Variants in ANKRD36C observed in about 807,000 individuals in gnomAD.
ANKRD36C encodes ankyrin repeat domain 36C, also known as ankyrin repeat domain-containing protein 36C.
ANKRD36C carries 61 observed loss-of-function variants against 276.4 expected under a neutral mutation model. The observed-to-expected ratio is 0.22, with a 90% CI of 0.18 to 0.27. The LOEUF is 0.27. Ranked by LOEUF, ANKRD36C falls within the 10% of genes least tolerant of loss-of-function variation. The probability of loss-of-function intolerance (pLI) is 1.00; values close to 1 mark genes in which losing one functional copy is unlikely to be tolerated. For missense variants in ANKRD36C, 1,447 were observed against 2,032.3 expected (o/e 0.71, Z 5.54); for synonymous variants, 483 against 680.1 (o/e 0.71, Z 4.51).
rs988780964 is a variant in ANKRD36C at position 95,949,411 on chromosome 2, C to A, written c.1296-815G>T. Among the ~76,000 whole-genome samples the A allele has an allele frequency of 3.2e-4, 48 of 152,204 alleles. 1 individual carries two copies. Among genetic ancestry groups the A allele is most frequent in the African/African-American group, 1.1e-3 (46 of 41,524 alleles). ...GTACTTAGAGCTTCATTTCATTCATCACTATCTAAATATCTTCCTTCCTAT... is the reference window on the plus strand; with the variant it reads ...GTACTTAGAGCTTCATTTCATTCATAACTATCTAAATATCTTCCTTCCTAT... On this transcript the variant is annotated intron_variant, in intron 16 of 66. Coordinates refer to ENST00000456556, the Ensembl canonical transcript of ANKRD36C.
chr2:95,855,546 G>T lies in ANKRD36C; in HGVS notation c.4715C>A (p.Thr1572Lys), dbSNP rs545954071. 2.0e-5 allele frequency: 33 copies of T among 1,611,170 alleles called. No individual in the cohort carries two copies. The South Asian group carries it at 3.5e-4, about 17-fold the overall frequency. ...CTGCTTTTCTATGCATTTTTCCATT[G>T]TATTGTATCCACTTTTGTACATTTT... Residue 1572 changes from threonine (T) to lysine (K), a missense_variant, in exon 63 of 67, where the codon ACA becomes AAA. Physicochemically the swap from Thr to Lys is moderately conservative, Grantham distance 78. Around this residue, in one of 13 missense-constraint regions of ANKRD36C, gnomAD observed 437 missense variants for 641.0 expected, o/e 0.68. Coordinates refer to ENST00000456556, the Ensembl canonical transcript of ANKRD36C.
chr2:95,926,201 C>T (rs565871400), intron 28 of ANKRD36C, among the ~76,000 whole-genome samples: 1 of 151,664 alleles, frequency 6.6e-6, no homozygotes, highest in South Asian at 2.1e-4. Context: ...TCTTCGTCCA[C>T]TCATGGCAAC....
intron 34 of ANKRD36C, 136 bp from the exon 37 acceptor site, chr2:95,918,178 T>G: frequency 1.4e-6 from 2 of 1,400,542 alleles, no homozygotes; most frequent in South Asian, 2.5e-5. Context: ...ACTTTGTGTC[T>G]TGGGACTGGA....
At chr2:95,910,299 G>A (rs1484632217) in intron 42 of ANKRD36C, 74 bp downstream of exon 46, 68 of 1,445,664 alleles carry the variant, frequency 4.7e-5, no homozygotes, top group Non-Finnish European at 5.6e-5. Context: ...CGAGCCACCC[G>A]CTGCTTTATT....
intron 61 of ANKRD36C, among the ~76,000 whole-genome samples, chr2:95,858,086 C>T (rs557642457): frequency 0.011 from 1,592 of 148,296 alleles, 6 homozygotes; most frequent in East Asian, 0.017. Flanking sequence ...CTGAACCAAA[C>T]CAATGTATTT....
chr2:95,922,334 C>A (rs532142006), intron 32 of ANKRD36C, among the ~76,000 whole-genome samples: 2 of 151,602 alleles, frequency 1.3e-5, no homozygotes, highest in Non-Finnish European at 3.0e-5. Flanking sequence ...TCCTAAATTG[C>A]TCAGCTTGGA....
intron 46 of ANKRD36C, 78 bp from the exon 67 acceptor site, chr2:95,890,072 T>A: frequency 6.6e-7 from 1 of 1,522,466 alleles, no homozygotes; most frequent in Non-Finnish European, 9.1e-7. Context: ...AGTGTTAGCA[T>A]CAATCTCTGT....
chr2:95,958,221 G>A (rs1472951863), intron 12 of ANKRD36C, among the ~76,000 whole-genome samples: 2 of 151,642 alleles, frequency 1.3e-5, no homozygotes, highest in African/African-American at 4.8e-5. Flanking sequence ...TCTTCCCTCC[G>A]GTTTTAGCAA....
intron 6 of ANKRD36C, among the ~76,000 whole-genome samples, chr2:95,971,452 T>C (rs1678696396): frequency 6.6e-6 from 1 of 152,022 alleles, no homozygotes; most frequent in South Asian, 2.1e-4. Flanking sequence ...CTCTTTAGGT[T>C]CTTTTCAATA....
intron 1 of ANKRD36C, among the ~76,000 whole-genome samples, chr2:95,989,389 A>G (rs1432201233): frequency 6.6e-6 from 1 of 152,158 alleles, no homozygotes; most frequent in Non-Finnish European, 1.5e-5. Context: ...TTTTGTACAC[A>G]TATTTGGCTT....
intron 56 of ANKRD36C, among the ~76,000 whole-genome samples, chr2:95,881,614 T>G (rs953829733): frequency 1.3e-5 from 2 of 152,312 alleles, no homozygotes; most frequent in Admixed American, 1.3e-4. Context: ...ATGTGTGATG[T>G]CTGATACTAA....
intron 50 of ANKRD36C, 33 bp downstream of exon 70, chr2:95,887,892 G>A: frequency 1.3e-6 from 2 of 1,556,208 alleles, no homozygotes; most frequent in Non-Finnish European, 1.7e-6. Context: ...TATCTGGACT[G>A]AACATGACAT....
intron 24 of ANKRD36C, among the ~76,000 whole-genome samples, chr2:95,933,418 T>C (rs1190613254): frequency 2.0e-5 from 3 of 152,232 alleles, no homozygotes; most frequent in Non-Finnish European, 4.4e-5. Context: ...GCATGGAATG[T>C]TCTTCCATTT....
At chr2:95,860,221 A>G in intron 60 of ANKRD36C, 147 bp from the exon 81 acceptor site, 1 of 650,768 alleles carries the variant, frequency 1.5e-6, no homozygotes, top group Non-Finnish European at 2.6e-6. Flanking sequence ...TATTATAGTA[A>G]GGTCTGCAGG....
rs1676919008 is a variant in ANKRD36C, at chr2:95,911,382, T to A, written c.2653+862A>T. Among the ~76,000 whole-genome samples the A allele has an allele frequency of 2.0e-5, 3 of 151,506 alleles. No homozygotes were observed. In the South Asian group the frequency reaches 6.2e-4, roughly 31 times the overall value. Reference sequence around the variant, plus strand: ...TCATTGAAAATGATCACTCTAGGACTTAATTAGAATGCAACATAATTTTTG... The same window carrying A: ...TCATTGAAAATGATCACTCTAGGACATAATTAGAATGCAACATAATTTTTG... On this transcript the variant is annotated intron_variant, in intron 42 of 66. Transcript: ENST00000456556.
intron 56 of ANKRD36C, 141 bp from the exon 77 acceptor site, chr2:95,880,764 G>A: frequency 1.8e-6 from 2 of 1,088,890 alleles, no homozygotes; most frequent in South Asian, 1.6e-5. Context: ...TGTTTCTTTG[G>A]GACAGTAATA....
chr2:95,949,692 T>C (rs1001324375), intron 16 of ANKRD36C, among the ~76,000 whole-genome samples: 3 of 152,302 alleles, frequency 2.0e-5, no homozygotes, highest in African/African-American at 2.4e-5. Flanking sequence ...TTCTCATTTC[T>C]CTGATTTACT....
chr2:95,851,681 G>A lies in ANKRD36C; in HGVS notation c.5313+13C>T, dbSNP rs544986178. 55 of 1,471,500 alleles carry A rather than the reference G, an allele frequency of 3.7e-5. No homozygotes were observed. The East Asian group carries it at 8.9e-4, about 24-fold the overall frequency. 91.2% of individuals were successfully genotyped at this position (1,471,500 alleles called of 1,614,324 possible). A position where few individuals can be genotyped will look rare whatever the true frequency, so the allele number is the denominator to read the frequency against. ...TCCTTTTCAGTATGACAGAAATTAA[G>A]AAATCAGCTTACCAAACTTGAATGC... is the stretch of plus-strand genomic sequence containing the variant. On this transcript the variant is annotated intron_variant, in intron 66 of 66. Coordinates refer to ENST00000456556, the Ensembl canonical transcript of ANKRD36C.
chr2:95,988,618 T>C (rs1304735216), intron 1 of ANKRD36C, among the ~76,000 whole-genome samples: 1 of 152,172 alleles, frequency 6.6e-6, no homozygotes, highest in Non-Finnish European at 1.5e-5. Flanking sequence ...GGAAGTTTAT[T>C]ATGAAAAAAA....
Sources: gnomAD v4.1 joint callset for allele counts (sites outside exome capture counted in the v4.1 genomes callset) on GRCh38, gnomAD v4.1.1 for gene constraint, gnomAD v4.1.1 regional missense constraint, MANE v1.5 for transcripts, NCBI Gene and HGNC (gene_info 2026-07-23, HGNC 2026-07-21) for gene names.